The following PIP4K2B variants were observed in gnomAD, a reference collection of about 807,000 sequenced individuals.
PIP4K2B encodes the protein phosphatidylinositol-5-phosphate 4-kinase type 2 beta, also known as phosphatidylinositol 5-phosphate 4-kinase type-2 beta.
Under a neutral mutation model 42.0 loss-of-function variants are expected in PIP4K2B, and 3 were observed. The observed-to-expected ratio is 0.07, with a 90% confidence interval of 0.03 to 0.18. The LOEUF (loss-of-function observed/expected upper bound fraction) is 0.18. Among genes scored for constraint, PIP4K2B ranks in the 10% least tolerant of loss-of-function variants. PIP4K2B has a pLI of 1.00. For synonymous variants in PIP4K2B, 204 were observed against 210.1 expected (o/e 0.97, Z 0.25); for missense variants, 332 against 562.3 (o/e 0.59, Z 4.14).
At chr17:38,793,239 A>ATTT (rs1350888965) in intron 1 of PIP4K2B, among the ~76,000 whole-genome samples, 1 of 120,578 alleles carries the variant, frequency 8.3e-6, no homozygotes, top group African/African-American at 3.3e-5. Flanking sequence ...ATCTCTGAAG[A>ATTT]TTTTTTCTTT....
At chr17:38,783,408 A>C (rs1342281427) in intron 3 of PIP4K2B, among the ~76,000 whole-genome samples, 1 of 152,108 alleles carries the variant, frequency 6.6e-6, no homozygotes, top group African/African-American at 2.4e-5. Context: ...AATGGCCTCT[A>C]CAACACTGTC....
chr17:38,773,350 GGTCAAAA>G (rs1221111053), intron 7 of PIP4K2B, among the ~76,000 whole-genome samples: 1 of 152,152 alleles, frequency 6.6e-6, no homozygotes, highest in African/African-American at 2.4e-5. Context: ...ATTCCCTGAA[GGTCAAAA>G]GAGGCTGTGT....
chr17:38,798,683 G>A lies in PIP4K2B; in HGVS notation c.159+583C>T, dbSNP rs375336982. 4.6e-5 allele frequency among the ~76,000 whole-genome samples: 7 copies of A among 152,186 alleles called. No homozygotes were observed. The East Asian group carries it at 9.6e-4, about 21-fold the overall frequency. Reference sequence around the variant, plus strand: ...CAGAGAGACCCAGGTGAAGTGTCTGGTTCAAGGAAGCCTGTGCTTCTCCAG... The same window carrying A: ...CAGAGAGACCCAGGTGAAGTGTCTGATTCAAGGAAGCCTGTGCTTCTCCAG... On this transcript the variant is annotated intron_variant, in intron 1 of 9. Transcript: ENST00000619039.
chr17:38,787,044 T>C (rs1433691918), intron 1 of PIP4K2B, 124 bp from the exon 2 acceptor site: 4 of 736,766 alleles, frequency 5.4e-6, no homozygotes, highest in Non-Finnish European at 9.7e-6. Context: ...CTGTCTTTTT[T>C]TGTTTTTTTG....
rs1410080449 is a variant in PIP4K2B at position 38,766,926 on chromosome 17, C to A, written c.*2765G>T. 6.6e-6 allele frequency: 1 copy of A among 152,436 alleles called. No homozygotes were observed. Among genetic ancestry groups the A allele is most frequent in the East Asian group, 1.9e-4 (1 of 5,196 alleles). 9.4% of individuals were successfully genotyped at this position (152,436 alleles called of 1,614,324 possible). A position where few individuals can be genotyped will look rare whatever the true frequency, so the allele number is the denominator to read the frequency against. On this transcript the variant is annotated 3_prime_UTR_variant, in exon 10 of 10. Transcript: ENST00000619039. ...CTGGGAGACTACAGTGTCTCGGCTG[C>A]GGACTTGTGGAAGAAGAGGGGGAAG...
Position 38,767,369 on chromosome 17 carries a change from A to C in PIP4K2B, c.*2322T>G, listed in dbSNP as rs980819245. On this transcript the variant is annotated 3_prime_UTR_variant, in exon 10 of 10. Transcript: ENST00000619039. ...GGGCCAAACTCAAGGTTTTGAAGAT[A>C]GCACAGCGAATGACCTTTAAAAAAA... 13 of 150,146 alleles carry C rather than the reference A, an allele frequency of 8.7e-5. No individual in the cohort carries two copies. Among genetic ancestry groups the C allele is most frequent in the African/African-American group, 3.2e-4 (13 of 40,632 alleles). 9.3% of individuals were successfully genotyped at this position (150,146 alleles called of 1,614,324 possible).
chr17:38,790,976 AT>A (rs1445776874), intron 1 of PIP4K2B, among the ~76,000 whole-genome samples: 1 of 152,140 alleles, frequency 6.6e-6, no homozygotes, highest in Non-Finnish European at 1.5e-5. Context: ...TACGTGCTTC[AT>A]TCTGTTAGGT....
intron 3 of PIP4K2B, 99 bp from the exon 4 acceptor site, chr17:38,780,703 A>G: frequency 8.3e-7 from 1 of 1,199,976 alleles, no homozygotes. Context: ...GAAAGCCAAC[A>G]ACACTGAGAT....
intron 3 of PIP4K2B, among the ~76,000 whole-genome samples, chr17:38,783,928 T>C (rs1038705607): frequency 6.6e-6 from 1 of 152,178 alleles, no homozygotes; most frequent in African/African-American, 2.4e-5. Flanking sequence ...AAACTACGAA[T>C]GAGAAGGGTT....
At position 38,799,353 on chromosome 17, in the gene PIP4K2B, C is replaced by T. The variant is rs1910831676; in HGVS notation, c.72G>A (p.Lys24=). ...APLSASKTKT[K]KKHFVCQKVK... is the part of the protein sequence containing the mutation. Reference sequence around the variant, plus strand: ...CTTTCTGGCACACGAAATGCTTCTTCTTGGTCTTGGTCTTGCTGGCGCTGA... The same window carrying T: ...CTTTCTGGCACACGAAATGCTTCTTTTTGGTCTTGGTCTTGCTGGCGCTGA... Residue 24 remains lysine (K), a synonymous_variant, in exon 1 of 10, where the codon AAG becomes AAA. Coordinates refer to ENST00000619039, the MANE Select transcript of PIP4K2B (RefSeq NM_003559.5). This position sits in a 1 kb window ranked among gnomAD's most constrained non-coding sequence, Gnocchi z 4.4. 2 of 1,609,032 alleles carry T rather than the reference C, an allele frequency of 1.2e-6. No homozygotes were observed. The highest frequency in any genetic ancestry group is 1.7e-4 in the Middle Eastern group (1 of 6,038).
intron 5 of PIP4K2B, among the ~76,000 whole-genome samples, chr17:38,778,784 G>GTACT: frequency 6.6e-6 from 1 of 152,332 alleles, no homozygotes; most frequent in African/African-American, 2.4e-5. Context: ...CTTCCTGGAA[G>GTACT]TAGTATTTGG....
chr17:38,777,900 G>A (rs1235529018), intron 6 of PIP4K2B, 100 bp from the exon 7 acceptor site: 12 of 851,688 alleles, frequency 1.4e-5, no homozygotes, highest in South Asian at 1.3e-4. Flanking sequence ...AGGGGAAGGA[G>A]GGGTTGTCAG....
At position 38,766,904 on chromosome 17, in the gene PIP4K2B, G is replaced by A. The variant is rs1019023679; in HGVS notation, c.*2787C>T. ...TCCAGGGCACTCATCACTGTGGCTG[G>A]GAGACTACAGTGTCTCGGCTGCGGA... On this transcript the variant is annotated 3_prime_UTR_variant, in exon 10 of 10. Coordinates refer to ENST00000619039, the MANE Select transcript of PIP4K2B (RefSeq NM_003559.5). The A allele has an allele frequency of 1.3e-5, 2 of 152,454 alleles. No homozygotes were observed. Among genetic ancestry groups the A allele is most frequent in the African/African-American group, 2.4e-5 (1 of 41,440 alleles). The allele number at this position is 152,454 out of a possible 1,614,324, so 9.4% of individuals were successfully genotyped here.
chr17:38,785,948 T>C (rs1909985982), intron 2 of PIP4K2B, among the ~76,000 whole-genome samples: 1 of 152,146 alleles, frequency 6.6e-6, no homozygotes, highest in Non-Finnish European at 1.5e-5. Context: ...CTCTCCCTCC[T>C]TAGGTGGCCA....
intron 1 of PIP4K2B, among the ~76,000 whole-genome samples, chr17:38,796,081 T>C (rs1026470568): frequency 6.6e-6 from 1 of 152,136 alleles, no homozygotes; most frequent in Non-Finnish European, 1.5e-5. Context: ...GAGGTTGCGG[T>C]GAGCCGAGAT....
At chr17:38,793,883 C>CAAA (rs796343923) in intron 1 of PIP4K2B, among the ~76,000 whole-genome samples, 1 of 135,176 alleles carries the variant, frequency 7.4e-6, no homozygotes, top group African/African-American at 2.7e-5. Context: ...AAAAAACAAA[C>CAAA]AAAAAAAAAA....
At chr17:38,787,199 C>T (rs1229704830) in intron 1 of PIP4K2B, among the ~76,000 whole-genome samples, 1 of 152,162 alleles carries the variant, frequency 6.6e-6, no homozygotes, top group Admixed American at 6.5e-5. Flanking sequence ...CCACGCCCAG[C>T]TAATTTTTTT....
At chr17:38,789,493 C>T (rs1910229814) in intron 1 of PIP4K2B, among the ~76,000 whole-genome samples, 1 of 152,142 alleles carries the variant, frequency 6.6e-6, no homozygotes, top group Non-Finnish European at 1.5e-5. Flanking sequence ...TTGTGTCTCC[C>T]ACTTTCCTTG....
rs574315433 is a variant in PIP4K2B, at chr17:38,799,005, G to A, written c.159+261C>T. ...TTGCGCTCCATGGGCTGCCCCAAGC[G>A]AGCACGCCACACGCAGGAAGCCAGA... On this transcript the variant is annotated intron_variant, in intron 1 of 9. Coordinates refer to ENST00000619039, the MANE Select transcript of PIP4K2B (RefSeq NM_003559.5). The surrounding 1 kb of genome is among the most constrained non-coding windows in gnomAD (Gnocchi z 4.4). 1.3e-5 allele frequency among the ~76,000 whole-genome samples: 2 copies of A among 152,336 alleles called. No homozygotes were observed. The highest frequency in any genetic ancestry group is 2.1e-4 in the South Asian group (1 of 4,828).
Sources: gnomAD v4.1 joint callset for allele counts (sites outside exome capture counted in the v4.1 genomes callset) on GRCh38, gnomAD v4.1.1 for gene constraint, Gnocchi (gnomAD v3.1) non-coding constraint, MANE v1.5 for transcripts, NCBI Gene and HGNC (gene_info 2026-07-23, HGNC 2026-07-21) for gene names.